CEP128: variants seen among roughly 807,000 people sequenced by gnomAD.
CEP128 encodes the protein centrosomal protein 128kDa.
In CEP128, 132 loss-of-function variants were observed where a neutral mutation model predicts 156.7. The observed-to-expected ratio is 0.84, with a 90% CI of 0.73 to 0.97. The LOEUF (loss-of-function observed/expected upper bound fraction) is 0.97. CEP128 is among the 50% of genes least tolerant of loss of function. CEP128 has a pLI of 0.00. For missense variants in CEP128, 1,252 were observed against 1,281.9 expected, an observed-to-expected ratio of 0.98 and a Z score of 0.36; for synonymous variants, 469 against 448.9, an observed-to-expected ratio of 1.04 and a Z score of -0.57.
chr14:80,914,335 C>G lies in CEP128; in HGVS notation c.221G>C (p.Gly74Ala), dbSNP rs772721363. Residue 74 changes from glycine (G) to alanine (A), a missense_variant, in exon 4 of 25, where the codon GGT becomes GCT. Transcript: ENST00000555265. ...GTAGTTTCTCACATGTTCTATCGCACCCGCCTGTCCATTACTGTATTCTCG... is the reference window on the plus strand; with the variant it reads ...GTAGTTTCTCACATGTTCTATCGCAGCCGCCTGTCCATTACTGTATTCTCG... ...RYREYSNGQA[G>A]AIEHLKESLE... 1 of 1,612,956 alleles carries G rather than the reference C, an allele frequency of 6.2e-7. No individual in the cohort carries two copies. The highest frequency in any genetic ancestry group is 1.1e-5 in the South Asian group (1 of 91,034).
intron 19 of CEP128, among the ~76,000 whole-genome samples, chr14:80,708,384 G>T (rs1164849667): frequency 1.3e-5 from 2 of 152,126 alleles, no homozygotes; most frequent in African/African-American, 4.8e-5. Flanking sequence ...ACATTGTCAT[G>T]CATTTGGATT....
In CEP128 at chr14:80,872,160, C is replaced by T. The variant is rs567587860; in HGVS notation, c.646-9287G>A. Among the ~76,000 whole-genome samples, 16 of 152,042 alleles carry T rather than the reference C, an allele frequency of 1.1e-4. 1 individual carries two copies. In the South Asian group the frequency reaches 3.3e-3, roughly 32 times the overall value. On this transcript the variant is annotated intron_variant, in intron 8 of 24. Transcript: ENST00000555265. Reference sequence around the variant, plus strand: ...CTAAAATAGAATTGACTTTTTCCTCCAAAAATAATCAAATAACATGCAGTC... The same window carrying T: ...CTAAAATAGAATTGACTTTTTCCTCTAAAAATAATCAAATAACATGCAGTC...
intron 24 of CEP128, among the ~76,000 whole-genome samples, chr14:80,501,811 T>A (rs1380814912): frequency 6.6e-6 from 1 of 151,784 alleles, no homozygotes; most frequent in South Asian, 2.1e-4. Flanking sequence ...GGGACTAGAC[T>A]CCAAAGGCAG....
intron 14 of CEP128, among the ~76,000 whole-genome samples, chr14:80,787,265 T>C (rs989981225): frequency 5.3e-5 from 8 of 152,196 alleles, no homozygotes; most frequent in Admixed American, 2.6e-4. Context: ...AGGTTTCTGA[T>C]ACAACTTGTT....
rs1566851109 is a variant in CEP128 at position 80,678,060 on chromosome 14, A to ATG, written c.2806+65014_2806+65015insCA. On this transcript the variant is annotated intron_variant, in intron 19 of 24. Coordinates refer to ENST00000555265, the MANE Select transcript of CEP128 (RefSeq NM_152446.5). ...CTCTATAAAAAAAAAATATATATAT[A>ATG]TATGTATATATATATATGCTCAAGG... Among the ~76,000 whole-genome samples the ATG allele has an allele frequency of 3.6e-3, 227 of 62,298 alleles. 5 individuals carry two copies. Among genetic ancestry groups the ATG allele is most frequent in the African/African-American group, 6.8e-3 (211 of 31,178 alleles). The allele number at this position is 62,298 out of a possible 152,430, so 40.9% of individuals were successfully genotyped here. A position where few individuals can be genotyped will look rare whatever the true frequency, so the allele number is the denominator to read the frequency against.
At chr14:80,790,179 A>T (rs1901630158) in intron 14 of CEP128, among the ~76,000 whole-genome samples, 1 of 152,110 alleles carries the variant, frequency 6.6e-6, no homozygotes, top group African/African-American at 2.4e-5. Context: ...AAAGCTCAAT[A>T]CATAAGCAAG....
At chr14:80,760,571 A>G (rs2139681684) in intron 17 of CEP128, among the ~76,000 whole-genome samples, 1 of 152,264 alleles carries the variant, frequency 6.6e-6, no homozygotes. Context: ...TCAGCATAAT[A>G]TCACAATGTG....
At chr14:80,693,977 G>C (rs921579080) in intron 19 of CEP128, among the ~76,000 whole-genome samples, 2 of 152,168 alleles carry the variant, frequency 1.3e-5, no homozygotes, top group African/African-American at 2.4e-5. Context: ...AGTGGGGATA[G>C]AGAAGAAAGT....
intron 13 of CEP128, among the ~76,000 whole-genome samples, chr14:80,799,395 A>C (rs1332528211): frequency 6.6e-6 from 1 of 152,190 alleles, no homozygotes; most frequent in Admixed American, 6.5e-5. Context: ...TTAAGCGTAC[A>C]GATTGATTGT....
intron 19 of CEP128, among the ~76,000 whole-genome samples, chr14:80,658,955 T>C (rs2140887906): frequency 6.6e-6 from 1 of 152,280 alleles, no homozygotes; most frequent in Non-Finnish European, 1.5e-5. Context: ...AACTTTTGTT[T>C]CAATGTTAAC....
chr14:80,821,588 CACAT>C (rs368579175), intron 13 of CEP128, among the ~76,000 whole-genome samples: 11 of 104,714 alleles, frequency 1.1e-4, no homozygotes, highest in African/African-American at 4.2e-4. Context: ...ATATGTCACA[CACAT>C]ACACACATAC....
intron 19 of CEP128, among the ~76,000 whole-genome samples, chr14:80,718,761 A>G (rs573934352): frequency 6.6e-6 from 1 of 152,336 alleles, no homozygotes; most frequent in African/African-American, 2.4e-5. Context: ...AAACCAAAAC[A>G]AGAGGGCATG....
intron 14 of CEP128, among the ~76,000 whole-genome samples, chr14:80,788,571 C>T (rs1036425207): frequency 3.9e-5 from 6 of 152,072 alleles, no homozygotes; most frequent in Non-Finnish European, 8.8e-5. Flanking sequence ...CATACTCCAA[C>T]ATCCTAAAGT....
intron 19 of CEP128, among the ~76,000 whole-genome samples, chr14:80,648,286 C>A (rs1894747752): frequency 6.6e-6 from 1 of 152,018 alleles, no homozygotes; most frequent in Admixed American, 6.6e-5. Flanking sequence ...TGATTTTCCT[C>A]AATTCAGTTT....
intron 19 of CEP128, among the ~76,000 whole-genome samples, chr14:80,614,993 T>G (rs1374177392): frequency 6.6e-6 from 1 of 152,206 alleles, no homozygotes; most frequent in Non-Finnish European, 1.5e-5. Flanking sequence ...CCAGAAAGAT[T>G]ACATCTTATT....
At chr14:80,634,966 G>A (rs912084315) in intron 19 of CEP128, among the ~76,000 whole-genome samples, 2 of 152,170 alleles carry the variant, frequency 1.3e-5, no homozygotes, top group Non-Finnish European at 2.9e-5. Flanking sequence ...TCACCATAAT[G>A]TTTGTGGTAG....
chr14:80,875,932 A>C (rs1466394851), intron 8 of CEP128, among the ~76,000 whole-genome samples: 1 of 152,180 alleles, frequency 6.6e-6, no homozygotes, highest in Admixed American at 6.5e-5. Flanking sequence ...GCTCAATTAA[A>C]TACAAAATTA....
intron 14 of CEP128, among the ~76,000 whole-genome samples, chr14:80,478,716 G>T (rs1886993393): frequency 6.6e-6 from 1 of 152,170 alleles, no homozygotes; most frequent in African/African-American, 2.4e-5. Flanking sequence ...TTTGCATATA[G>T]CAGATGATAC....
At chr14:80,912,202 C>T (rs569599899) in intron 4 of CEP128, among the ~76,000 whole-genome samples, 16 of 149,276 alleles carry the variant, frequency 1.1e-4, no homozygotes, top group Admixed American at 3.3e-4. Context: ...GGTGACAGAG[C>T]GAGACTCCAC....
Sources: gnomAD v4.1 joint callset for allele counts (sites outside exome capture counted in the v4.1 genomes callset) on GRCh38, gnomAD v4.1.1 for gene constraint, MANE v1.5 for transcripts, NCBI Gene and HGNC (gene_info 2026-07-23, HGNC 2026-07-21) for gene names.